The following HMCN1 variants were observed in gnomAD, a reference collection of about 807,000 sequenced individuals.
The protein encoded by HMCN1 is hemicentin 1.
HMCN1 carries 321 observed loss-of-function variants against 625.9 expected under a neutral mutation model. The ratio of observed to expected loss-of-function variants is 0.51; its 90% CI spans 0.47 to 0.56. The LOEUF is 0.56. HMCN1 is among the 20% of genes least tolerant of loss of function. The pLI, the probability that HMCN1 is intolerant of heterozygous loss-of-function variation, is 0.00. For missense variants in HMCN1, 6,588 were observed against 6,887.3 expected (o/e 0.96, Z 1.54); for synonymous variants, 2,425 against 2,417.6 (o/e 1.00, Z -0.09).
intron 30 of HMCN1, among the ~76,000 whole-genome samples, chr1:186,013,704 A>G (rs1398468446): frequency 1.3e-5 from 2 of 152,144 alleles, no homozygotes; most frequent in Non-Finnish European, 2.9e-5. Flanking sequence ...ACAAAACAAA[A>G]TAAAATAATA....
intron 15 of HMCN1, among the ~76,000 whole-genome samples, chr1:185,976,304 G>A (rs969919042): frequency 6.6e-6 from 1 of 152,132 alleles, no homozygotes; most frequent in Non-Finnish European, 1.5e-5. Flanking sequence ...ATATGAGAAA[G>A]GTCAGTCCTT....
At chr1:185,964,329 G>A (rs1034999619) in intron 13 of HMCN1, among the ~76,000 whole-genome samples, 3 of 151,748 alleles carry the variant, frequency 2.0e-5, no homozygotes, top group Admixed American at 6.6e-5. Flanking sequence ...TATTGGAAGC[G>A]TACTTCATGA....
intron 1 of HMCN1, among the ~76,000 whole-genome samples, chr1:185,766,312 G>A (rs1655866040): frequency 6.6e-6 from 1 of 152,062 alleles, no homozygotes. Context: ...CAGAGACTGG[G>A]GGAATGCTGA....
intron 4 of HMCN1, among the ~76,000 whole-genome samples, chr1:185,893,531 A>T (rs1252895079): frequency 6.6e-6 from 1 of 152,150 alleles, no homozygotes; most frequent in Non-Finnish European, 1.5e-5. Context: ...ACAATTATTT[A>T]TTGTTTCCTA....
At chr1:186,021,753 A>C (rs1408167127) in intron 35 of HMCN1, among the ~76,000 whole-genome samples, 8 of 152,010 alleles carry the variant, frequency 5.3e-5, no homozygotes, top group Non-Finnish European at 1.2e-4. Flanking sequence ...ATTCTGGAAA[A>C]GGTGGAGAGC....
At chr1:185,910,790 T>C (rs1310579491) in intron 5 of HMCN1, among the ~76,000 whole-genome samples, 1 of 152,018 alleles carries the variant, frequency 6.6e-6, no homozygotes, top group Non-Finnish European at 1.5e-5. Flanking sequence ...AGGCTGGTTT[T>C]GAACTTCTGA....
rs1389851251 is a variant in HMCN1 at position 185,962,553 on chromosome 1, T to C, written c.1864T>C (p.Ser622Pro). The change falls in exon 12 of 107, where the codon TCT (serine) becomes CCT (proline). Residue 622 changes from serine (S) to proline (P), a missense_variant. Around this residue, in one of 3 missense-constraint regions of HMCN1, gnomAD observed 4,628 missense variants for 4,853.1 expected, o/e 0.95. Coordinates refer to ENST00000271588, the MANE Select transcript of HMCN1 (RefSeq NM_031935.3). ...AGTCACTGTGATGCCCAAGAATCAGTCTTTCACAGGAGGGTCTGAGGTCTC... is the reference window on the plus strand; with the variant it reads ...AGTCACTGTGATGCCCAAGAATCAGCCTTTCACAGGAGGGTCTGAGGTCTC... Reference protein sequence around the residue: ...PKVTVMPKNQSFTGGSEVSIM... With the variant: ...PKVTVMPKNQPFTGGSEVSIM... The C allele has an allele frequency of 1.2e-6, 2 of 1,612,832 alleles. No homozygotes were observed. Among genetic ancestry groups the C allele is most frequent in the African/African-American group, 1.3e-5 (1 of 74,898 alleles).
Position 186,093,715 on chromosome 1 carries a change from T to G in HMCN1, c.10196+46T>G, listed in dbSNP as rs1369799716. 5 of 1,608,658 alleles carry G rather than the reference T, an allele frequency of 3.1e-6. No individual in the cohort carries two copies. In the South Asian group the frequency reaches 5.5e-5, roughly 18 times the overall value. ...ATTTCCTAAACAGATGAAGTAACTG[T>G]GATTGTAGACTTTTCCTTCATTTAA... On this transcript the variant is annotated intron_variant, in intron 66 of 106. Transcript: ENST00000271588.
chr1:186,161,875 G>T (rs1445478425), intron 97 of HMCN1, among the ~76,000 whole-genome samples: 2 of 152,056 alleles, frequency 1.3e-5, no homozygotes, highest in African/African-American at 2.4e-5. Context: ...ATTTCAACTG[G>T]TGAATCTGAC....
At chr1:185,738,794 TTAAAA>T (rs1238328950) in intron 1 of HMCN1, among the ~76,000 whole-genome samples, 5 of 152,226 alleles carry the variant, frequency 3.3e-5, no homozygotes, top group African/African-American at 1.2e-4. Flanking sequence ...CTTCTTAGAG[TTAAAA>T]TAATTCAAAA....
intron 42 of HMCN1, among the ~76,000 whole-genome samples, chr1:186,051,979 G>A (rs1330246320): frequency 6.6e-6 from 1 of 151,988 alleles, no homozygotes; most frequent in African/African-American, 2.4e-5. Flanking sequence ...TGGAAAATGG[G>A]ATGGGTAGAT....
Position 186,117,040 on chromosome 1 carries a change from G to A in HMCN1, c.11608G>A (p.Asp3870Asn), listed in dbSNP as rs1661166193. The A allele has an allele frequency of 3.1e-6, 5 of 1,613,278 alleles. No individual in the cohort carries two copies. The highest frequency in any genetic ancestry group is 3.4e-6 in the Non-Finnish European group (4 of 1,179,474). ...AGTAATTATTTCCCCTTCTGTGGAT[G>A]ACACTGCAACCTATGAATGTACTGT... is the stretch of plus-strand genomic sequence containing the variant. ...SLVIISPSVDDTATYECTVTN... is the reference protein window; with the variant it reads ...SLVIISPSVDNTATYECTVTN... The change falls in exon 76 of 107, where the codon GAC becomes AAC. Residue 3870 changes from aspartate to asparagine, a missense_variant. Physicochemically the swap from Asp to Asn is conservative, Grantham distance 23. Around this residue, in one of 3 missense-constraint regions of HMCN1, gnomAD observed 4,628 missense variants for 4,853.1 expected, o/e 0.95. Coordinates refer to ENST00000271588, the MANE Select transcript of HMCN1 (RefSeq NM_031935.3).
chr1:185,997,620 T>C, intron 25 of HMCN1, 96 bp downstream of exon 25: 1 of 850,164 alleles, frequency 1.2e-6, no homozygotes, highest in Non-Finnish European at 2.0e-6. Flanking sequence ...AAATTCCACA[T>C]CAATCCTTGG....
At chr1:185,991,466 A>G (rs1652419027) in intron 22 of HMCN1, among the ~76,000 whole-genome samples, 1 of 152,134 alleles carries the variant, frequency 6.6e-6, no homozygotes, top group Non-Finnish European at 1.5e-5. Context: ...CATTCTACAC[A>G]TACATCCTTA....
intron 100 of HMCN1, 56 bp downstream of exon 100, chr1:186,166,998 T>A: frequency 6.2e-7 from 1 of 1,607,906 alleles, no homozygotes; most frequent in Non-Finnish European, 8.5e-7. Context: ...TAGACCCACC[T>A]TTTGACTCCT....
At chr1:185,887,496 C>T (rs1205607174) in intron 4 of HMCN1, among the ~76,000 whole-genome samples, 4 of 150,582 alleles carry the variant, frequency 2.7e-5, no homozygotes, top group Non-Finnish European at 5.9e-5. Flanking sequence ...TGTGATTTTC[C>T]CCTTCCTGTG....
intron 97 of HMCN1, among the ~76,000 whole-genome samples, chr1:186,164,139 A>AC (rs1309079466): frequency 2.0e-5 from 3 of 149,152 alleles, no homozygotes; most frequent in African/African-American, 7.5e-5. Context: ...TCCTAGTACC[A>AC]CCCCCCTGCA....
At chr1:185,906,028 G>T (rs561976704) in intron 4 of HMCN1, among the ~76,000 whole-genome samples, 6 of 151,854 alleles carry the variant, frequency 4.0e-5, no homozygotes, top group Admixed American at 2.0e-4. Context: ...TGCATAATTT[G>T]TAGGCTCTCA....
rs920704695 is a variant in HMCN1 at position 186,001,723 on chromosome 1, T to G, written c.4330T>G (p.Phe1444Val). The G allele has an allele frequency of 3.7e-6, 6 of 1,612,242 alleles. No individual in the cohort carries two copies. Among genetic ancestry groups the G allele is most frequent in the African/African-American group, 1.3e-5 (1 of 74,844 alleles). ...INIAGTSQKY[F>V]NIDVLVPPTI... ...TATTGCAGGCACTTCTCAGAAGTAC[T>G]TTAACATTGATGTGCTAGGTAAGAA... is the stretch of plus-strand genomic sequence containing the variant. Residue 1444 changes from phenylalanine (F) to valine (V), a missense_variant, in exon 28 of 107, where the codon TTT becomes GTT. Transcript: ENST00000271588.
Sources: gnomAD v4.1 joint callset for allele counts (sites outside exome capture counted in the v4.1 genomes callset) on GRCh38, gnomAD v4.1.1 for gene constraint, gnomAD v4.1.1 regional missense constraint, MANE v1.5 for transcripts, NCBI Gene and HGNC (gene_info 2026-07-23, HGNC 2026-07-21) for gene names.